Variants in PTPRM observed in about 807,000 individuals in gnomAD.
PTPRM encodes the protein receptor-type tyrosine-protein phosphatase mu.
Under a neutral mutation model 186.7 loss-of-function variants are expected in PTPRM, and 47 were observed. The observed-to-expected ratio is 0.25, with a 90% CI of 0.20 to 0.32. The LOEUF is 0.32. PTPRM is among the 10% of genes least tolerant of loss of function. The probability of loss-of-function intolerance (pLI) is 1.00; values close to 1 mark genes in which losing one functional copy is unlikely to be tolerated. For synonymous variants in PTPRM, 668 were observed against 674.9 expected, an observed-to-expected ratio of 0.99 and a Z score of 0.16; for missense variants, 1,494 against 1,865.0, an observed-to-expected ratio of 0.80 and a Z score of 3.66.
chr18:8,022,050 AAG>A (rs1222857407), intron 7 of PTPRM, among the ~76,000 whole-genome samples: 2 of 152,208 alleles, frequency 1.3e-5, no homozygotes, highest in African/African-American at 4.8e-5. Flanking sequence ...ATAATGAAAA[AAG>A]GAAAATAAGA....
At chr18:7,632,284 T>G (rs1221559231) in intron 1 of PTPRM, among the ~76,000 whole-genome samples, 2 of 152,312 alleles carry the variant, frequency 1.3e-5, no homozygotes, top group African/African-American at 4.8e-5. Context: ...CTCTAGACAT[T>G]TTATATGTAA....
chr18:8,364,912 CA>C (rs1568835685), intron 23 of PTPRM: 2 of 152,256 alleles, frequency 1.3e-5, no homozygotes, highest in Non-Finnish European at 2.9e-5. Context: ...AACACACCTT[CA>C]GTTCTGCCCA....
intron 9 of PTPRM, among the ~76,000 whole-genome samples, chr18:8,085,137 A>G (rs1369295323): frequency 2.6e-5 from 4 of 152,124 alleles, no homozygotes; most frequent in Non-Finnish European, 5.9e-5. Flanking sequence ...AATATGACCC[A>G]TAATGATCAC....
intron 2 of PTPRM, among the ~76,000 whole-genome samples, chr18:7,832,813 G>T (rs2045828155): frequency 6.6e-6 from 1 of 152,118 alleles, no homozygotes; most frequent in Non-Finnish European, 1.5e-5. Context: ...AGAGTTAGGG[G>T]TCTAGTTACA....
intron 2 of PTPRM, among the ~76,000 whole-genome samples, chr18:7,834,491 T>TACACACACACACACACATACAC (rs756488501): frequency 0.051 from 4,350 of 84,510 alleles, 258 homozygotes; most frequent in East Asian, 0.15. Context: ...TATACAAGTA[T>TACACACACACACACACATACAC]ACACACACAC....
At chr18:7,737,815 A>C (rs931954276) in intron 1 of PTPRM, among the ~76,000 whole-genome samples, 1 of 152,062 alleles carries the variant, frequency 6.6e-6, no homozygotes, top group Non-Finnish European at 1.5e-5. Context: ...GAAAACCAAA[A>C]CCTGGATTCT....
At chr18:7,721,688 G>T (rs189629394) in intron 1 of PTPRM, among the ~76,000 whole-genome samples, 5 of 152,042 alleles carry the variant, frequency 3.3e-5, no homozygotes, top group Admixed American at 6.6e-5. Context: ...ATTCAGTACC[G>T]TTTGTTGAAA....
At chr18:8,240,497 GAGAGGAAGGAAGGAAGGAAGGAAGGA>G (rs1173440015) in intron 14 of PTPRM, among the ~76,000 whole-genome samples, 1,972 of 71,552 alleles carry the variant, frequency 0.028, 79 homozygotes, top group African/African-American at 0.054. Flanking sequence ...GAGAGAGAGA[GAGAGGAAGGAAGGAAGGAAGGAAGGA>G]AGGAAGGAAG....
chr18:7,978,915 CT>C (rs2055143279), intron 7 of PTPRM, among the ~76,000 whole-genome samples: 1 of 152,034 alleles, frequency 6.6e-6, no homozygotes, highest in African/African-American at 2.4e-5. Flanking sequence ...GTGTAGCGAC[CT>C]TTAAAAAACA....
At chr18:7,709,592 A>G (rs1598412181) in intron 1 of PTPRM, among the ~76,000 whole-genome samples, 3 of 152,272 alleles carry the variant, frequency 2.0e-5, no homozygotes, top group South Asian at 4.1e-4. Context: ...AACCAAAAAA[A>G]TACAAAAGAT....
chr18:7,765,070 T>C (rs572499829), intron 1 of PTPRM, among the ~76,000 whole-genome samples: 1 of 152,312 alleles, frequency 6.6e-6, no homozygotes, highest in African/African-American at 2.4e-5. Flanking sequence ...ATAATTTGGT[T>C]GCATCTGTAC....
At chr18:7,920,529 T>C (rs1024795323) in intron 4 of PTPRM, among the ~76,000 whole-genome samples, 2 of 152,192 alleles carry the variant, frequency 1.3e-5, no homozygotes, top group Admixed American at 6.5e-5. Context: ...TGTTTCAGTT[T>C]GCGTGTTTTT....
At chr18:8,197,062 C>T (rs796311136) in intron 14 of PTPRM, among the ~76,000 whole-genome samples, 22 of 152,154 alleles carry the variant, frequency 1.4e-4, no homozygotes, top group African/African-American at 5.3e-4. Context: ...CAATATTTAA[C>T]TCTGGTTTGT....
chr18:8,173,628 C>A (rs914252836), intron 14 of PTPRM, among the ~76,000 whole-genome samples: 2 of 152,208 alleles, frequency 1.3e-5, no homozygotes, highest in African/African-American at 4.8e-5. Flanking sequence ...TCAAATCAAT[C>A]TCTCCAAACA....
chr18:7,839,092 C>A (rs555541460), intron 2 of PTPRM, among the ~76,000 whole-genome samples: 1 of 152,284 alleles, frequency 6.6e-6, no homozygotes, highest in East Asian at 1.9e-4. Flanking sequence ...GTATGCTCCC[C>A]TCTGGCACAG....
chr18:8,117,773 C>G (rs1205703031), intron 13 of PTPRM, among the ~76,000 whole-genome samples: 1 of 152,116 alleles, frequency 6.6e-6, no homozygotes, highest in Non-Finnish European at 1.5e-5. Flanking sequence ...ACACCATAAA[C>G]CAGGGTATAC....
At chr18:8,405,487 T>C (rs2095900384) in intron 32 of PTPRM, among the ~76,000 whole-genome samples, 1 of 152,212 alleles carries the variant, frequency 6.6e-6, no homozygotes, top group South Asian at 2.1e-4. Context: ...CACTGCCATC[T>C]TCCCTAAGAA....
intron 1 of PTPRM, among the ~76,000 whole-genome samples, chr18:7,690,871 TA>T (rs757483729): frequency 6.6e-5 from 10 of 152,242 alleles, no homozygotes; most frequent in African/African-American, 2.4e-4. Context: ...TCTTCAAGTG[TA>T]TACTTCTTTT....
chr18:8,343,795 G>GT (rs1490402950), intron 23 of PTPRM, among the ~76,000 whole-genome samples: 12 of 152,220 alleles, frequency 7.9e-5, no homozygotes, highest in African/African-American at 2.9e-4. Flanking sequence ...ATACCTCTAA[G>GT]CATGAATGCT....
Sources: allele counts gnomAD v4.1 joint callset (sites outside exome capture counted in the v4.1 genomes callset), GRCh38; gene constraint gnomAD v4.1.1; transcripts MANE v1.5; gene names NCBI Gene and HGNC (gene_info 2026-07-23, HGNC 2026-07-21).